The following TICAM2 variants were observed in gnomAD, a reference collection of about 807,000 sequenced individuals.
The protein encoded by TICAM2 is TIR domain containing adaptor molecule 2.
TICAM2 carries 8 observed loss-of-function variants against 7.3 expected under a neutral mutation model. That is an observed-to-expected ratio of 1.10 (90% CI 0.65 to 1.99). The LOEUF is 1.99. Among genes scored for constraint, TICAM2 ranks in the 30% most tolerant of loss-of-function variants. The pLI is 0.00. For synonymous variants in TICAM2, 113 were observed against 99.6 expected, an observed-to-expected ratio of 1.13 and a Z score of -0.80; for missense variants, 304 against 278.8, an observed-to-expected ratio of 1.09 and a Z score of -0.65.
At chr5:115,599,264 C>T (rs986883124) in intron 1 of TICAM2, among the ~76,000 whole-genome samples, 2 of 152,020 alleles carry the variant, frequency 1.3e-5, no homozygotes, top group African/African-American at 4.8e-5. Context: ...TTCCTATTTC[C>T]TATTGCCCCT....
intron 1 of TICAM2, among the ~76,000 whole-genome samples, chr5:115,596,634 C>A (rs530720749): frequency 6.6e-6 from 1 of 152,208 alleles, no homozygotes; most frequent in South Asian, 2.1e-4. Flanking sequence ...AAAACCAGAA[C>A]CTTGGCTGGG....
rs1754915664 is a variant in TICAM2, at chr5:115,581,326, TAACAA to T, written c.-59-16_-59-12del. 1.3e-6 allele frequency: 2 copies of T among 1,587,410 alleles called. No individual in the cohort carries two copies. The highest frequency in any genetic ancestry group is 1.7e-6 in the Non-Finnish European group (2 of 1,173,676). ...GCATTTCTTTTCAATCTAAAAGAAG[TAACAA>T]AACAGAAGAATATTATAAATTTAAT... On this transcript the variant is annotated splice_polypyrimidine_tract_variant and intron_variant, in intron 1 of 1. Coordinates refer to ENST00000427199, the MANE Select transcript of TICAM2 (RefSeq NM_021649.7).
intron 1 of TICAM2, among the ~76,000 whole-genome samples, chr5:115,583,669 G>C (rs1028633282): frequency 6.6e-6 from 1 of 152,228 alleles, no homozygotes; most frequent in African/African-American, 2.4e-5. Flanking sequence ...CAGACATGGA[G>C]AGATGGTCAG....
intron 1 of TICAM2, among the ~76,000 whole-genome samples, chr5:115,583,184 G>A (rs1451941185): frequency 6.6e-6 from 1 of 152,114 alleles, no homozygotes; most frequent in Non-Finnish European, 1.5e-5. Flanking sequence ...GTTGCAGAAA[G>A]AAGTTTCCCC....
chr5:115,586,287 T>C (rs1755101642), intron 1 of TICAM2, among the ~76,000 whole-genome samples: 1 of 152,134 alleles, frequency 6.6e-6, no homozygotes, highest in African/African-American at 2.4e-5. Context: ...TTACAAATGA[T>C]TTTTGGATAG....
chr5:115,594,457 CAG>C (rs574776662), intron 1 of TICAM2, among the ~76,000 whole-genome samples: 51 of 152,286 alleles, frequency 3.3e-4, no homozygotes, highest in African/African-American at 1.1e-3. Context: ...CGCCAAATAG[CAG>C]AGTTATACAT....
Position 115,580,228 on chromosome 5 carries a change from A to T in TICAM2, c.*321T>A, listed in dbSNP as rs1318736276. ...AGAATAAAAGTGTTGTCACATTTTT[A>T]AAAATGTCTGTCATACAAGTTTTTG... is the stretch of plus-strand genomic sequence containing the variant. On this transcript the variant is annotated 3_prime_UTR_variant, in exon 2 of 2. Coordinates refer to ENST00000427199, the MANE Select transcript of TICAM2 (RefSeq NM_021649.7). 1.9e-5 allele frequency: 4 copies of T among 206,624 alleles called. No homozygotes were observed. Among genetic ancestry groups the T allele is most frequent in the Admixed American group, 1.1e-4 (2 of 18,072 alleles). The allele number at this position is 206,624 out of a possible 1,614,324, so 12.8% of individuals were successfully genotyped here.
At chr5:115,596,236 T>G (rs1042666667) in intron 1 of TICAM2, among the ~76,000 whole-genome samples, 1 of 152,212 alleles carries the variant, frequency 6.6e-6, no homozygotes, top group Admixed American at 6.5e-5. Flanking sequence ...TCTTCTGCAC[T>G]GCCTCCTAAT....
intron 1 of TICAM2, among the ~76,000 whole-genome samples, chr5:115,598,658 T>A (rs1240214470): frequency 2.0e-5 from 3 of 152,162 alleles, no homozygotes; most frequent in Non-Finnish European, 4.4e-5. Context: ...CCCCTACTCT[T>A]CTCTCTGTTC....
intron 1 of TICAM2, among the ~76,000 whole-genome samples, chr5:115,588,996 C>T (rs1436260497): frequency 6.6e-6 from 1 of 152,186 alleles, no homozygotes; most frequent in Non-Finnish European, 1.5e-5. Flanking sequence ...TAAGACACAC[C>T]TTTCTACTTA....
At chr5:115,598,191 T>A (rs989749114) in intron 1 of TICAM2, among the ~76,000 whole-genome samples, 1 of 152,224 alleles carries the variant, frequency 6.6e-6, no homozygotes, top group African/African-American at 2.4e-5. Context: ...TTATGTTGAT[T>A]TGATTTCCAT....
chr5:115,600,510 G>A (rs1755684886), intron 1 of TICAM2, among the ~76,000 whole-genome samples: 3 of 151,938 alleles, frequency 2.0e-5, no homozygotes, highest in African/African-American at 7.3e-5. Context: ...GGGGAAGCCT[G>A]GAGACACAAT....
In TICAM2 at chr5:115,593,842, A is replaced by T. The variant is rs900245083; in HGVS notation, c.-60+8255T>A. 2.6e-5 allele frequency among the ~76,000 whole-genome samples: 4 copies of T among 152,246 alleles called. No homozygotes were observed. The East Asian group carries it at 5.8e-4, about 22-fold the overall frequency. On this transcript the variant is annotated intron_variant, in intron 1 of 1. Transcript: ENST00000427199. Reference sequence around the variant, plus strand: ...GACAAATTGCTAAAGGGATGGGATAAGGAGCTCTGAAACAGATCCAAACAT... The same window carrying T: ...GACAAATTGCTAAAGGGATGGGATATGGAGCTCTGAAACAGATCCAAACAT...
At position 115,580,395 on chromosome 5, in the gene TICAM2, T is replaced by C; in HGVS notation, c.*154A>G. On this transcript the variant is annotated 3_prime_UTR_variant, in exon 2 of 2. Coordinates refer to ENST00000427199, the MANE Select transcript of TICAM2 (RefSeq NM_021649.7). ...CAAAAAGTACCACAATTTTATAGGCTGTCCTGCAGAAATTTATCTTTCTTG... is the reference window on the plus strand; with the variant it reads ...CAAAAAGTACCACAATTTTATAGGCCGTCCTGCAGAAATTTATCTTTCTTG... The C allele has an allele frequency of 2.0e-6, 2 of 998,740 alleles. No individual in the cohort carries two copies. Among genetic ancestry groups the C allele is most frequent in the Non-Finnish European group, 2.7e-6 (2 of 746,364 alleles). 61.9% of individuals were successfully genotyped at this position (998,740 alleles called of 1,614,324 possible). A position where few individuals can be genotyped will look rare whatever the true frequency, so the allele number is the denominator to read the frequency against.
chr5:115,596,747 G>GT (rs1755526841), intron 1 of TICAM2, among the ~76,000 whole-genome samples: 1 of 152,084 alleles, frequency 6.6e-6, no homozygotes, highest in Non-Finnish European at 1.5e-5. Context: ...GTGAAACCCC[G>GT]TCTCTACTAA....
Position 115,581,277 on chromosome 5 carries a change from G to T in TICAM2, c.-21C>A. ...CCCATTATAAATATCCAAGGCAGAA[G>T]AGGAAAACTTTATGTATTTCTCAGC... On this transcript the variant is annotated 5_prime_UTR_variant, in exon 2 of 2. Coordinates refer to ENST00000427199, the MANE Select transcript of TICAM2 (RefSeq NM_021649.7). The T allele has an allele frequency of 6.2e-7, 1 of 1,602,614 alleles. No homozygotes were observed. Among genetic ancestry groups the T allele is most frequent in the Non-Finnish European group, 8.5e-7 (1 of 1,179,916 alleles).
At chr5:115,582,887 C>CGT (rs72546723) in intron 1 of TICAM2, among the ~76,000 whole-genome samples, 1 of 151,868 alleles carries the variant, frequency 6.6e-6, no homozygotes, top group African/African-American at 2.4e-5. Context: ...AGGAAAAAAA[C>CGT]AGAGAATTTC....
chr5:115,580,521 G>C lies in TICAM2; in HGVS notation c.*28C>G. ...ATTAATCATTTGGTTTACAAAACAAGAGCCAGCCACATGTTATATGTTTCA... is the reference window on the plus strand; with the variant it reads ...ATTAATCATTTGGTTTACAAAACAACAGCCAGCCACATGTTATATGTTTCA... On this transcript the variant is annotated 3_prime_UTR_variant, in exon 2 of 2. Transcript: ENST00000427199. 1.4e-5 allele frequency: 21 copies of C among 1,540,572 alleles called. No homozygotes were observed. The highest frequency in any genetic ancestry group is 1.7e-5 in the Non-Finnish European group (20 of 1,151,450).
In TICAM2 at chr5:115,599,869, T is replaced by A. The variant is rs376556311; in HGVS notation, c.-60+2228A>T. ...TTTCTTTTCTTTTTTTTTTCTTTCT[T>A]TTTTTTTGTGATTCTGATAAGAAGC... On this transcript the variant is annotated intron_variant, in intron 1 of 1. Transcript: ENST00000427199. Among the ~76,000 whole-genome samples the A allele has an allele frequency of 4.7e-5, 7 of 149,288 alleles. No homozygotes were observed. In the South Asian group the frequency reaches 1.5e-3, roughly 31 times the overall value.
Sources: gnomAD v4.1 joint callset for allele counts (sites outside exome capture counted in the v4.1 genomes callset) on GRCh38, gnomAD v4.1.1 for gene constraint, MANE v1.5 for transcripts, NCBI Gene and HGNC (gene_info 2026-07-23, HGNC 2026-07-21) for gene names.